Variants in MAF observed in about 807,000 individuals in gnomAD.
MAF encodes the protein transcription factor Maf.
A neutral mutation model predicts 22.0 loss-of-function variants in MAF; 10 were observed. The observed-to-expected ratio is 0.45, with a 90% CI of 0.28 to 0.77. The LOEUF (loss-of-function observed/expected upper bound fraction) is 0.77. Among genes scored for constraint, MAF ranks in the 30% least tolerant of loss-of-function variants. The pLI is 0.12. For missense variants in MAF, 544 were observed against 548.4 expected (o/e 0.99, Z 0.08); for synonymous variants, 337 against 255.8 (o/e 1.32, Z -3.03).
chr16:79,212,159 C>G, the MAF span: 1 of 1,494,486 alleles, frequency 6.7e-7, no homozygotes, highest in African/African-American at 1.4e-5. Flanking sequence ...ATCCAGCTAC[C>G]ACCACGGCCA....
chr16:79,424,813 T>C, the MAF span, among the ~76,000 whole-genome samples: 12 of 152,226 alleles, frequency 7.9e-5, no homozygotes, highest in Non-Finnish European at 1.2e-4. Context: ...GAACATTTCA[T>C]GTTCTAGCCA....
chr16:79,326,438 T>C, the MAF span, among the ~76,000 whole-genome samples: 1 of 152,228 alleles, frequency 6.6e-6, no homozygotes, highest in Non-Finnish European at 1.5e-5. Flanking sequence ...ATCTGCAATA[T>C]ATCTAATTTA....
At chr16:79,226,883 C>A in the MAF span, among the ~76,000 whole-genome samples, 1 of 152,048 alleles carries the variant, frequency 6.6e-6, no homozygotes, top group African/African-American at 2.4e-5. Context: ...TGAGCTGACT[C>A]AGGTCCAGTC....
At chr16:79,204,093 A>G in the MAF span, 1 of 152,016 alleles carries the variant, frequency 6.6e-6, no homozygotes, top group African/African-American at 2.4e-5. Context: ...GCAAATTTCT[A>G]TGGCACTTCT....
At chr16:79,284,894 A>T in the MAF span, among the ~76,000 whole-genome samples, 1 of 152,138 alleles carries the variant, frequency 6.6e-6, no homozygotes, top group African/African-American at 2.4e-5. Context: ...ACTGAAAATC[A>T]GCTCTCCCCC....
chr16:79,338,627 A>T, the MAF span, among the ~76,000 whole-genome samples: 831 of 152,294 alleles, frequency 5.5e-3, no homozygotes, highest in Non-Finnish European at 8.8e-3. Context: ...ACAGAAGAGA[A>T]TAAACAAAAG....
At chr16:79,429,430 G>T in the MAF span, among the ~76,000 whole-genome samples, 23,197 of 152,136 alleles carry the variant, frequency 0.15, 1,952 homozygotes, top group South Asian at 0.26. Flanking sequence ...CCCTTGGCAG[G>T]AGACCTCCCC....
the MAF span, among the ~76,000 whole-genome samples, chr16:79,537,435 T>TG: frequency 0.13 from 19,838 of 152,100 alleles, 1,392 homozygotes; most frequent in South Asian, 0.17. Context: ...ACTATTGCAA[T>TG]GCCCATTTTA....
the MAF span, among the ~76,000 whole-genome samples, chr16:79,322,131 C>G: frequency 6.6e-6 from 1 of 152,078 alleles, no homozygotes; most frequent in African/African-American, 2.4e-5. Context: ...ACTCAGGAGG[C>G]TGAGGTAGGA....
chr16:79,509,563 C>T, the MAF span, among the ~76,000 whole-genome samples: 9 of 152,246 alleles, frequency 5.9e-5, no homozygotes, highest in East Asian at 1.3e-3. Flanking sequence ...GCCTCCCACC[C>T]GCCTTCCCAT....
the MAF span, among the ~76,000 whole-genome samples, chr16:79,319,123 C>T: frequency 1.1e-4 from 16 of 152,164 alleles, no homozygotes; most frequent in African/African-American, 2.7e-4. Context: ...ATCCCTGGCA[C>T]ACTCCAAATA....
chr16:79,264,485 A>G, the MAF span: 7 of 152,150 alleles, frequency 4.6e-5, no homozygotes, highest in African/African-American at 1.7e-4. Flanking sequence ...AATGTGCCCT[A>G]TCTCTTCTGA....
the MAF span, among the ~76,000 whole-genome samples, chr16:79,422,136 C>T: frequency 1.3e-5 from 2 of 152,088 alleles, no homozygotes; most frequent in Non-Finnish European, 2.9e-5. Context: ...TATTCTACAC[C>T]GAGGACAGAG....
chr16:79,250,703 C>T, the MAF span, among the ~76,000 whole-genome samples: 2 of 152,130 alleles, frequency 1.3e-5, no homozygotes, highest in Non-Finnish European at 2.9e-5. Flanking sequence ...GGATTCTATC[C>T]AGCAGGCCTG....
the MAF span, among the ~76,000 whole-genome samples, chr16:79,440,233 G>A: frequency 6.6e-6 from 1 of 152,324 alleles, no homozygotes; most frequent in Admixed American, 6.5e-5. Context: ...TGGCTTTGCA[G>A]CTGTCTTGGG....
chr16:79,589,238 C>T (rs1306896021), downstream of MAF, among the ~76,000 whole-genome samples: 4 of 152,242 alleles, frequency 2.6e-5, no homozygotes, highest in Non-Finnish European at 4.4e-5. Flanking sequence ...TGAGACAGTT[C>T]CTGGATGCCT....
chr16:79,547,554 C>G, the MAF span, among the ~76,000 whole-genome samples: 1 of 152,048 alleles, frequency 6.6e-6, no homozygotes, highest in Non-Finnish European at 1.5e-5. Flanking sequence ...GTAGAAACCC[C>G]TAAAAGTTAA....
At chr16:79,317,834 C>T in the MAF span, among the ~76,000 whole-genome samples, 1 of 152,296 alleles carries the variant, frequency 6.6e-6, no homozygotes, top group East Asian at 1.9e-4. Flanking sequence ...TCAAAGCTGA[C>T]TGTGTTTTCT....
At chr16:79,586,206 A>G (rs926728257) in intron 1 of MAF, among the ~76,000 whole-genome samples, 1 of 152,230 alleles carries the variant, frequency 6.6e-6, no homozygotes, top group African/African-American at 2.4e-5. Flanking sequence ...TGAGATAGCC[A>G]TAACCCACTG....
Sources: allele counts gnomAD v4.1 joint callset (sites outside exome capture counted in the v4.1 genomes callset), GRCh38; gene constraint gnomAD v4.1.1; transcripts MANE v1.5; gene names NCBI Gene and HGNC (gene_info 2026-07-23, HGNC 2026-07-21).